The following KCNA6 variants were observed in gnomAD, a reference collection of about 807,000 sequenced individuals.
KCNA6 encodes the protein potassium voltage-gated channel subfamily A member 6.
KCNA6 carries 17 observed loss-of-function variants against 29.5 expected under a neutral mutation model. That is an observed-to-expected ratio of 0.58 (90% CI 0.39 to 0.86). The LOEUF (loss-of-function observed/expected upper bound fraction) is 0.86. Among genes scored for constraint, KCNA6 ranks in the 40% least tolerant of loss-of-function variants. The probability of loss-of-function intolerance (pLI) is 0.00; values close to 1 mark genes in which losing one functional copy is unlikely to be tolerated. For missense variants in KCNA6, 450 were observed against 703.4 expected, an observed-to-expected ratio of 0.64 and a Z score of 4.07; for synonymous variants, 296 against 304.7, an observed-to-expected ratio of 0.97 and a Z score of 0.30.
At chr12:4,849,091 C>T in the KCNA6 span, among the ~76,000 whole-genome samples, 2,356 of 151,850 alleles carry the variant, frequency 0.016, 46 homozygotes, top group African/African-American at 0.052. Flanking sequence ...TGCACCCAGC[C>T]TGGCGACAGA....
At chr12:4,824,492 T>TA in the KCNA6 span, among the ~76,000 whole-genome samples, 1 of 152,166 alleles carries the variant, frequency 6.6e-6, no homozygotes, top group Non-Finnish European at 1.5e-5. Context: ...GTTTCCTTGC[T>TA]AAAAAAGCCA....
the KCNA6 span, among the ~76,000 whole-genome samples, chr12:4,846,765 CTTTTTTTTTTT>C: frequency 7.0e-5 from 7 of 100,674 alleles, no homozygotes; most frequent in South Asian, 3.6e-4. Context: ...TGGAACACCT[CTTTTTTTTTTT>C]TTTTTTTTTT....
chr12:4,820,001 C>A, the KCNA6 span, among the ~76,000 whole-genome samples: 46 of 152,284 alleles, frequency 3.0e-4, no homozygotes, highest in Non-Finnish European at 5.1e-4. Flanking sequence ...TTAGAGACAC[C>A]AAACACCCAT....
chr12:4,827,694 C>T, the KCNA6 span, among the ~76,000 whole-genome samples: 1 of 152,192 alleles, frequency 6.6e-6, no homozygotes, highest in East Asian at 1.9e-4. Context: ...CGCAAAGTGG[C>T]TCTGGGATGG....
exon 1 of KCNA6, chr12:4,809,846 C>T (rs2137569922): frequency 1.8e-6 from 1 of 567,058 alleles, no homozygotes; most frequent in Non-Finnish European, 2.9e-6. Context: ...GCCCAGGTCA[C>T]CTCCCCAGAC....
At chr12:4,823,172 GTATAA>G in the KCNA6 span, among the ~76,000 whole-genome samples, 1,750 of 152,204 alleles carry the variant, frequency 0.011, 30 homozygotes, top group African/African-American at 0.039. Flanking sequence ...TTTTGTGTAT[GTATAA>G]TATAATTATT....
chr12:4,842,431 A>G, the KCNA6 span: 1 of 152,226 alleles, frequency 6.6e-6, no homozygotes, highest in African/African-American at 2.4e-5. Context: ...GGGTGGTGAA[A>G]TGGTTTAGTA....
chr12:4,850,462 A>G, the KCNA6 span, among the ~76,000 whole-genome samples: 1 of 152,126 alleles, frequency 6.6e-6, no homozygotes, highest in Non-Finnish European at 1.5e-5. The surrounding 1 kb of genome is among the most constrained non-coding windows in gnomAD (Gnocchi z 5.4). Flanking sequence ...AGTATTAATG[A>G]CAGCAGTATT....
At chr12:4,840,515 C>G in the KCNA6 span, among the ~76,000 whole-genome samples, 1 of 152,188 alleles carries the variant, frequency 6.6e-6, no homozygotes, top group African/African-American at 2.4e-5. Flanking sequence ...ACTTCTTTAC[C>G]TCCTGGGAAT....
At chr12:4,816,458 A>T (rs528535989), downstream of KCNA6, among the ~76,000 whole-genome samples, 6 of 152,254 alleles carry the variant, frequency 3.9e-5, no homozygotes, top group Admixed American at 3.9e-4. Flanking sequence ...ATTATTCATT[A>T]TACAGGACTA....
At chr12:4,815,498 T>C (rs1286293280), downstream of KCNA6, among the ~76,000 whole-genome samples, 1 of 152,048 alleles carries the variant, frequency 6.6e-6, no homozygotes, top group South Asian at 2.1e-4. Flanking sequence ...CTCTGCTGAG[T>C]AGCCCTGGAC....
At chr12:4,821,408 A>G in the KCNA6 span, among the ~76,000 whole-genome samples, 1 of 147,416 alleles carries the variant, frequency 6.8e-6, no homozygotes, top group Non-Finnish European at 1.5e-5. Context: ...CAGACCCTCT[A>G]CTCACTTGGA....
chr12:4,843,984 G>C, the KCNA6 span, among the ~76,000 whole-genome samples: 2 of 152,178 alleles, frequency 1.3e-5, no homozygotes, highest in African/African-American at 4.8e-5. Flanking sequence ...AGGAAAACCA[G>C]CTTGCCCATG....
the KCNA6 span, among the ~76,000 whole-genome samples, chr12:4,835,652 C>G: frequency 6.6e-6 from 1 of 152,082 alleles, no homozygotes; most frequent in Non-Finnish European, 1.5e-5. Context: ...CAGTCAACCT[C>G]CAACCCAAAG....
chr12:4,827,206 C>CTCCTTCCTTCCTTCCTTCCTTCCTTCCT, the KCNA6 span, among the ~76,000 whole-genome samples: 48 of 113,920 alleles, frequency 4.2e-4, 2 homozygotes, highest in African/African-American at 1.6e-3. Flanking sequence ...CCTTCCTTCC[C>CTCCTTCCTTCCTTCCTTCCTTCCTTCCT]TCCTTCCTTC....
chr12:4,836,531 G>T, the KCNA6 span, among the ~76,000 whole-genome samples: 1 of 152,162 alleles, frequency 6.6e-6, no homozygotes, highest in African/African-American at 2.4e-5. Context: ...AGGTATGGGG[G>T]TCAAGAATAG....
At chr12:4,828,618 T>G in the KCNA6 span, among the ~76,000 whole-genome samples, 2 of 152,210 alleles carry the variant, frequency 1.3e-5, no homozygotes, top group African/African-American at 4.8e-5. Flanking sequence ...CATAGCATCT[T>G]GTTTGCCAGG....
At chr12:4,840,264 C>T in the KCNA6 span, among the ~76,000 whole-genome samples, 46 of 151,618 alleles carry the variant, frequency 3.0e-4, no homozygotes, top group Admixed American at 4.6e-4. Context: ...GATAAAGTGA[C>T]GCTTGAGAGT....
the KCNA6 span, among the ~76,000 whole-genome samples, chr12:4,830,532 G>T: frequency 6.6e-6 from 1 of 151,340 alleles, no homozygotes; most frequent in African/African-American, 2.4e-5. Context: ...GGTGGCCAGC[G>T]AAAGAGAAAC....
Sources: allele counts gnomAD v4.1 joint callset (sites outside exome capture counted in the v4.1 genomes callset), GRCh38; gene constraint gnomAD v4.1.1; non-coding constraint Gnocchi (gnomAD v3.1); transcripts MANE v1.5; gene names NCBI Gene and HGNC (gene_info 2026-07-23, HGNC 2026-07-21).